ANK3: variants seen among roughly 807,000 people sequenced by gnomAD.
ANK3 encodes the protein ankyrin 3, also known as ankyrin-3.
ANK3 carries 57 observed loss-of-function variants against 370.9 expected under a neutral mutation model. That is an observed-to-expected ratio of 0.15 (90% CI 0.12 to 0.19). The LOEUF is 0.19. Among genes scored for constraint, ANK3 ranks in the 10% least tolerant of loss-of-function variants. The pLI is 1.00. For synonymous variants in ANK3, 1,929 were observed against 1,946.3 expected, an observed-to-expected ratio of 0.99 and a Z score of 0.23; for missense variants, 4,439 against 5,302.1, an observed-to-expected ratio of 0.84 and a Z score of 5.06.
intron 1 of ANK3, among the ~76,000 whole-genome samples, chr10:60,624,171 C>A (rs2078377187): frequency 6.6e-6 from 1 of 151,924 alleles, no homozygotes; most frequent in African/African-American, 2.4e-5. Context: ...ACCTACATAA[C>A]AAACTTGCAC....
intron 2 of ANK3, among the ~76,000 whole-genome samples, chr10:60,440,790 G>A (rs1427323939): frequency 2.6e-5 from 4 of 152,164 alleles, no homozygotes; most frequent in East Asian, 1.9e-4. Flanking sequence ...AGAGACTTAC[G>A]TAACAAAAGG....
In ANK3 at chr10:60,618,524, C is replaced by A. The variant is rs542711411; in HGVS notation, c.58-3300G>T. ...CTCATAGCTTTGGCCACTGGAGGTA[C>A]AAACACTGAAGCAGAAAAGAGTAGG... On this transcript the variant is annotated intron_variant, in intron 1 of 43. Coordinates refer to the ANK3 transcript ENST00000373827. 2.0e-5 allele frequency among the ~76,000 whole-genome samples: 3 copies of A among 152,178 alleles called. No homozygotes were observed. The South Asian group carries it at 6.2e-4, about 32-fold the overall frequency.
At chr10:60,255,463 T>C (rs945630642) in intron 7 of ANK3, among the ~76,000 whole-genome samples, 5 of 152,192 alleles carry the variant, frequency 3.3e-5, no homozygotes, top group African/African-American at 1.2e-4. Context: ...AGACAGAGGA[T>C]GACTAGGGCA....
intron 24 of ANK3, among the ~76,000 whole-genome samples, chr10:60,136,414 G>T (rs542742138): frequency 6.6e-6 from 1 of 152,280 alleles, no homozygotes; most frequent in Non-Finnish European, 1.5e-5. Flanking sequence ...CTCCAGTGGT[G>T]TGATTTGAGA....
At chr10:60,681,138 G>A (rs2079189846) in intron 1 of ANK3, among the ~76,000 whole-genome samples, 2 of 152,092 alleles carry the variant, frequency 1.3e-5, no homozygotes, top group African/African-American at 2.4e-5. Context: ...ATTTCTTGAA[G>A]ATATTTGCAT....
At chr10:60,699,332 T>C (rs2079515284) in intron 1 of ANK3, among the ~76,000 whole-genome samples, 1 of 152,136 alleles carries the variant, frequency 6.6e-6, no homozygotes, top group South Asian at 2.1e-4. Context: ...GGAAAAGAAC[T>C]GCTGAACCCT....
intron 2 of ANK3, among the ~76,000 whole-genome samples, chr10:60,415,019 C>T (rs1419315998): frequency 6.6e-6 from 1 of 152,194 alleles, no homozygotes; most frequent in Admixed American, 6.5e-5. Context: ...GTGGACCAGT[C>T]CCTGACACAC....
chr10:60,076,064 G>A lies in ANK3; in HGVS notation c.4817C>T (p.Thr1606Met), dbSNP rs1415082553. ...SGTLARAPAV[T>M]EATPLKGLAS... Reference sequence around the variant, plus strand: ...CAGCCCTTTTAAGGGCGTAGCTTCCGTGACTGCTGGAGCTCTAGCCAGGGT... The same window carrying A: ...CAGCCCTTTTAAGGGCGTAGCTTCCATGACTGCTGGAGCTCTAGCCAGGGT... Residue 1606 changes from threonine (T) to methionine (M), a missense_variant, in exon 37 of 44, where the codon ACG (threonine) becomes ATG (methionine). Coordinates refer to ENST00000280772, the MANE Select transcript of ANK3 (RefSeq NM_020987.5). The A allele has an allele frequency of 6.2e-7, 1 of 1,614,196 alleles. No individual in the cohort carries two copies. The highest frequency in any genetic ancestry group is 8.5e-7 in the Non-Finnish European group (1 of 1,180,008).
intron 18 of ANK3, among the ~76,000 whole-genome samples, chr10:60,173,515 G>T (rs889162411): frequency 7.2e-5 from 11 of 152,102 alleles, no homozygotes; most frequent in Non-Finnish European, 1.6e-4. Context: ...TCTTATTCGG[G>T]GTCAGAAGAG....
chr10:60,133,068 T>C (rs182217788), intron 25 of ANK3, among the ~76,000 whole-genome samples: 3 of 152,316 alleles, frequency 2.0e-5, no homozygotes, highest in Admixed American at 2.0e-4. Flanking sequence ...CACACATATG[T>C]AGGTCTAGAC....
At position 60,088,254 on chromosome 10, in the gene ANK3, T is replaced by G. The variant is rs1466487972; in HGVS notation, c.3433A>C (p.Asn1145His). 4 of 1,614,212 alleles carry G rather than the reference T, an allele frequency of 2.5e-6. No homozygotes were observed. The highest frequency in any genetic ancestry group is 2.5e-6 in the Non-Finnish European group (3 of 1,180,026). ...ATTCCACCTTCAGGACCAATCTGGTTGCTTTCCTGCTTAATCCGGGAAACC... is the reference window on the plus strand; with the variant it reads ...ATTCCACCTTCAGGACCAATCTGGTGGCTTTCCTGCTTAATCCGGGAAACC... ...AVVSRIKQES[N>H]QIGPEGGILS... Residue 1145 changes from asparagine to histidine, a missense_variant, in exon 29 of 44, where the codon AAC (asparagine) becomes CAC (histidine). Coordinates refer to ENST00000280772, the MANE Select transcript of ANK3 (RefSeq NM_020987.5).
chr10:60,100,630 T>C (rs2091088165), intron 28 of ANK3, among the ~76,000 whole-genome samples: 1 of 152,216 alleles, frequency 6.6e-6, no homozygotes, highest in South Asian at 2.1e-4. Context: ...AAAACTTCAT[T>C]TGCTCTCATT....
At chr10:60,117,612 T>A (rs1247175590) in intron 25 of ANK3, among the ~76,000 whole-genome samples, 3 of 150,006 alleles carry the variant, frequency 2.0e-5, no homozygotes, top group East Asian at 3.9e-4. Flanking sequence ...AGGTCAGGAG[T>A]TTGAGACCAG....
upstream of ANK3, among the ~76,000 whole-genome samples, chr10:60,390,767 A>ACACACAC (rs1566994376): frequency 9.3e-4 from 46 of 49,556 alleles, no homozygotes; most frequent in African/African-American, 3.3e-3. Flanking sequence ...CACACACACA[A>ACACACAC]ACAACAATTT....
Position 60,070,088 on chromosome 10 carries a change from G to C in ANK3, c.10793C>G (p.Pro3598Arg). 2 of 1,614,184 alleles carry C rather than the reference G, an allele frequency of 1.2e-6. No individual in the cohort carries two copies. The highest frequency in any genetic ancestry group is 1.7e-6 in the Non-Finnish European group (2 of 1,180,024). ...TCCTTCATGAAATGGGAAGGGGTTAGGCTCACTAGTTGGGGTACTTTCATC... is the reference window on the plus strand; with the variant it reads ...TCCTTCATGAAATGGGAAGGGGTTACGCTCACTAGTTGGGGTACTTTCATC... Reference protein sequence around the residue: ...PTDESTPTSEPNPFPFHEGKM... With the variant: ...PTDESTPTSERNPFPFHEGKM... The change falls in exon 37 of 44, where the codon CCT becomes CGT. Residue 3598 changes from proline (P) to arginine (R), a missense_variant. Around this residue, in one of 13 missense-constraint regions of ANK3, gnomAD observed 1,601 missense variants for 1,731.7 expected, o/e 0.92. Transcript: ENST00000280772. The surrounding 1 kb of genome is among the most constrained non-coding windows in gnomAD (Gnocchi z 5.7).
At chr10:60,209,361 A>G (rs1219668169) in intron 9 of ANK3, among the ~76,000 whole-genome samples, 1 of 152,208 alleles carries the variant, frequency 6.6e-6, no homozygotes, top group African/African-American at 2.4e-5. Flanking sequence ...TGAATTTATC[A>G]ATGGATGACA....
chr10:60,226,513 A>C (rs1157080061), intron 8 of ANK3, among the ~76,000 whole-genome samples: 1 of 51,818 alleles, frequency 1.9e-5, no homozygotes, highest in Admixed American at 2.3e-4. Flanking sequence ...ATATATACAT[A>C]GTATATATAC....
intron 2 of ANK3, among the ~76,000 whole-genome samples, chr10:60,549,070 A>G (rs1428616096): frequency 6.6e-6 from 1 of 151,996 alleles, no homozygotes; most frequent in Non-Finnish European, 1.5e-5. Flanking sequence ...CTTCTGAATG[A>G]CAGAATTATT....
chr10:60,241,895 T>A (rs1366426531), intron 7 of ANK3, among the ~76,000 whole-genome samples: 4 of 152,162 alleles, frequency 2.6e-5, no homozygotes, highest in African/African-American at 9.7e-5. Context: ...TAATGAGACC[T>A]GGATAAATAT....
Sources: allele counts gnomAD v4.1 joint callset (sites outside exome capture counted in the v4.1 genomes callset), GRCh38; gene constraint gnomAD v4.1.1; regional missense constraint gnomAD v4.1.1; non-coding constraint Gnocchi (gnomAD v3.1); transcripts MANE v1.5; gene names NCBI Gene and HGNC (gene_info 2026-07-23, HGNC 2026-07-21).